SLC25A33: variants seen among roughly 807,000 people sequenced by gnomAD.
SLC25A33 encodes solute carrier family 25 member 33.
A neutral mutation model predicts 35.5 loss-of-function variants in SLC25A33; 15 were observed. The observed-to-expected ratio is 0.42, with a 90% CI of 0.28 to 0.65. The LOEUF is 0.65. Ranked by LOEUF, SLC25A33 falls within the 30% of genes least tolerant of loss-of-function variation. SLC25A33 has a pLI of 0.20. For missense variants in SLC25A33, 257 were observed against 398.5 expected, an observed-to-expected ratio of 0.64 and a Z score of 3.02; for synonymous variants, 136 against 148.7, an observed-to-expected ratio of 0.91 and a Z score of 0.62.
intron 3 of SLC25A33, among the ~76,000 whole-genome samples, chr1:9,569,996 T>C (rs1193491209): frequency 6.6e-6 from 1 of 152,220 alleles, no homozygotes; most frequent in Non-Finnish European, 1.5e-5. Flanking sequence ...AAAAGGACTT[T>C]GTAGATGTCT....
At chr1:9,563,533 G>T (rs1310718304) in intron 2 of SLC25A33, among the ~76,000 whole-genome samples, 2 of 152,100 alleles carry the variant, frequency 1.3e-5, no homozygotes, top group Non-Finnish European at 2.9e-5. Context: ...TACCTCTTTT[G>T]CACCAAAAAC....
At chr1:9,568,258 T>C (rs1643538226) in intron 3 of SLC25A33, among the ~76,000 whole-genome samples, 1 of 151,276 alleles carries the variant, frequency 6.6e-6, no homozygotes, top group South Asian at 2.1e-4. Context: ...CCTGGCCAAC[T>C]TGGCGAAACC....
At chr1:9,554,526 A>AT (rs1465320159) in intron 2 of SLC25A33, among the ~76,000 whole-genome samples, 5 of 151,626 alleles carry the variant, frequency 3.3e-5, no homozygotes, top group Non-Finnish European at 7.4e-5. Context: ...TGCCCGGCTA[A>AT]TTTTGTATTT....
rs372007054 is a variant in SLC25A33 at position 9,544,949 on chromosome 1, G to A, written c.56+5202G>A. On this transcript the variant is annotated intron_variant, in intron 1 of 6. Transcript: ENST00000302692. ...CTGTGTGCATAATTTAAAATTTTAT[G>A]ACTTCTGATCACATAAAGTTACTTT... Among the ~76,000 whole-genome samples, 4 of 152,282 alleles carry A rather than the reference G, an allele frequency of 2.6e-5. No homozygotes were observed. The Middle Eastern group carries it at 0.01, about 388-fold the overall frequency.
At chr1:9,550,045 G>T (rs1643244546) in intron 1 of SLC25A33, among the ~76,000 whole-genome samples, 2 of 70,278 alleles carry the variant, frequency 2.8e-5, no homozygotes, top group East Asian at 4.6e-4. Flanking sequence ...TTTTGAGACG[G>T]GGTCTCACCC....
chr1:9,549,620 CCTT>C (rs982308233), intron 1 of SLC25A33, among the ~76,000 whole-genome samples: 1 of 147,430 alleles, frequency 6.8e-6, no homozygotes, highest in African/African-American at 2.6e-5. Flanking sequence ...ACATCACAAA[CCTT>C]TTTTTTTTTT....
At chr1:9,568,979 C>G (rs1319910733) in intron 3 of SLC25A33, among the ~76,000 whole-genome samples, 1 of 152,060 alleles carries the variant, frequency 6.6e-6, no homozygotes, top group Non-Finnish European at 1.5e-5. Flanking sequence ...GGCGCAGTAG[C>G]CCACACCTAT....
chr1:9,583,735 T>G lies in SLC25A33; in HGVS notation c.*1234T>G, dbSNP rs1643772329. 1 of 151,454 alleles carries G rather than the reference T, an allele frequency of 6.6e-6. No individual in the cohort carries two copies. Among genetic ancestry groups the G allele is most frequent in the African/African-American group, 2.4e-5 (1 of 41,214 alleles). 9.4% of individuals were successfully genotyped at this position (151,454 alleles called of 1,614,324 possible). A position where few individuals can be genotyped will look rare whatever the true frequency, so the allele number is the denominator to read the frequency against. On this transcript the variant is annotated 3_prime_UTR_variant, in exon 7 of 7. Coordinates refer to ENST00000302692, the MANE Select transcript of SLC25A33 (RefSeq NM_032315.3). ...GTTCAACATTAAAAAAAAAAAAAAT[T>G]TAATCCCAGCACTTTGGGAGGCCAA...
intron 2 of SLC25A33, among the ~76,000 whole-genome samples, chr1:9,564,735 A>ATATATATAT (rs1553146738): frequency 8.6e-5 from 6 of 69,518 alleles, no homozygotes; most frequent in Non-Finnish European, 1.3e-4. Flanking sequence ...TAAAAAAAAA[A>ATATATATAT]AAAAATATAT....
intron 2 of SLC25A33, among the ~76,000 whole-genome samples, chr1:9,554,678 G>A (rs576378080): frequency 3.3e-5 from 5 of 152,156 alleles, no homozygotes; most frequent in South Asian, 4.1e-4. Context: ...TTTTTATTGG[G>A]AAATATTTTT....
At chr1:9,571,277 C>CTGAGAGA (rs978247506) in intron 4 of SLC25A33, among the ~76,000 whole-genome samples, 1 of 152,044 alleles carries the variant, frequency 6.6e-6, no homozygotes, top group Admixed American at 6.6e-5. Context: ...GTGTAGATTT[C>CTGAGAGA]TGAGAGAAGG....
chr1:9,571,281 G>A (rs1643587061), intron 4 of SLC25A33, among the ~76,000 whole-genome samples: 1 of 152,034 alleles, frequency 6.6e-6, no homozygotes, highest in South Asian at 2.1e-4. Flanking sequence ...AGATTTCTGA[G>A]AGAAGGGAAG....
At chr1:9,565,633 C>T (rs1643490701) in intron 2 of SLC25A33, among the ~76,000 whole-genome samples, 1 of 151,930 alleles carries the variant, frequency 6.6e-6, no homozygotes, top group South Asian at 2.1e-4. Context: ...AATCCCAGCA[C>T]TTTGGGAGGC....
intron 3 of SLC25A33, among the ~76,000 whole-genome samples, chr1:9,567,811 G>T (rs1166078376): frequency 6.6e-6 from 1 of 152,210 alleles, no homozygotes; most frequent in Non-Finnish European, 1.5e-5. Flanking sequence ...TTCACTTTCT[G>T]TAAAATGACA....
chr1:9,556,334 T>A, intron 2 of SLC25A33: 1 of 807,914 alleles, frequency 1.2e-6, no homozygotes, highest in Non-Finnish European at 1.5e-6. Flanking sequence ...GGATTTACTG[T>A]AACTGGGGAA....
intron 3 of SLC25A33, among the ~76,000 whole-genome samples, chr1:9,569,250 A>G (rs1343780912): frequency 6.6e-6 from 1 of 152,096 alleles, no homozygotes; most frequent in Non-Finnish European, 1.5e-5. Context: ...CATCTCAAAA[A>G]AAAAAAAAAC....
chr1:9,580,752 A>G (rs1419274680), intron 6 of SLC25A33, among the ~76,000 whole-genome samples: 1 of 151,872 alleles, frequency 6.6e-6, no homozygotes, highest in African/African-American at 2.4e-5. Flanking sequence ...GCTACTTGGG[A>G]AGCTGAGGCA....
chr1:9,568,940 A>G (rs1643550365), intron 3 of SLC25A33, among the ~76,000 whole-genome samples: 1 of 151,802 alleles, frequency 6.6e-6, no homozygotes, highest in East Asian at 1.9e-4. Context: ...CTTCCAGATC[A>G]GTGCTCCAAT....
rs1237135903 is a variant in SLC25A33 at position 9,550,008 on chromosome 1, TA to T, written c.57-3617del. On this transcript the variant is annotated intron_variant, in intron 1 of 6. Transcript: ENST00000302692. ...TATTTTTTCTATACATATATATATATATATTTTTTTTTTTTTTTTTTTTTTT... is the reference window on the plus strand; with the variant it reads ...TATTTTTTCTATACATATATATATATTATTTTTTTTTTTTTTTTTTTTTTT... 1.8e-4 allele frequency among the ~76,000 whole-genome samples: 13 copies of T among 70,838 alleles called. 1 individual carries two copies. Among genetic ancestry groups the T allele is most frequent in the African/African-American group, 6.4e-4 (11 of 17,314 alleles). The allele number at this position is 70,838 out of a possible 152,430, so 46.5% of individuals were successfully genotyped here.
Sources: gnomAD v4.1 joint callset for allele counts (sites outside exome capture counted in the v4.1 genomes callset) on GRCh38, gnomAD v4.1.1 for gene constraint, MANE v1.5 for transcripts, NCBI Gene and HGNC (gene_info 2026-07-23, HGNC 2026-07-21) for gene names.